The following LSAMP variants were observed in gnomAD, a reference collection of about 807,000 sequenced individuals.
LSAMP encodes limbic system-associated membrane protein.
A neutral mutation model predicts 38.6 loss-of-function variants in LSAMP; 7 were observed. The ratio of observed to expected loss-of-function variants is 0.18; its 90% CI spans 0.10 to 0.34. LSAMP has a LOEUF of 0.34. Among genes scored for constraint, LSAMP ranks in the 10% least tolerant of loss-of-function variants. The pLI is 1.00. For synonymous variants in LSAMP, 154 were observed against 166.8 expected (o/e 0.92, Z 0.59); for missense variants, 313 against 420.0 (o/e 0.75, Z 2.23).
Position 115,806,874 on chromosome 3 carries a change from A to G in LSAMP, c.*3443T>C, listed in dbSNP as rs879734023. 1.3e-5 allele frequency: 2 copies of G among 152,230 alleles called. No individual in the cohort carries two copies. Among genetic ancestry groups the G allele is most frequent in the Non-Finnish European group, 2.9e-5 (2 of 68,034 alleles). The allele number at this position is 152,230 out of a possible 1,614,324, so 9.4% of individuals were successfully genotyped here. A position where few individuals can be genotyped will look rare whatever the true frequency, so the allele number is the denominator to read the frequency against. ...GCACAGAGCATAATTACAATTCTGCAGTTGTAAAGCCCTGGATAGTTCTCA... is the reference window on the plus strand; with the variant it reads ...GCACAGAGCATAATTACAATTCTGCGGTTGTAAAGCCCTGGATAGTTCTCA... On this transcript the variant is annotated 3_prime_UTR_variant, in exon 7 of 7. Coordinates refer to ENST00000490035, the MANE Select transcript of LSAMP (RefSeq NM_002338.5).
intron 4 of LSAMP, among the ~76,000 whole-genome samples, chr3:115,844,158 T>C (rs1000035760): frequency 1.3e-5 from 2 of 152,202 alleles, no homozygotes; most frequent in African/African-American, 2.4e-5. Flanking sequence ...CTGTAAACTA[T>C]CCCAATTCTA....
At chr3:115,858,135 A>ATCTC (rs67994060) in intron 3 of LSAMP, among the ~76,000 whole-genome samples, 1,780 of 144,038 alleles carry the variant, frequency 0.012, 13 homozygotes, top group Middle Eastern at 0.017. Context: ...CCGTCCTCCC[A>ATCTC]TCTCTCTCTC....
At chr3:115,908,573 C>G (rs1162543859) in intron 3 of LSAMP, among the ~76,000 whole-genome samples, 1 of 152,124 alleles carries the variant, frequency 6.6e-6, no homozygotes, top group African/African-American at 2.4e-5. Context: ...GACCTTTTTA[C>G]TCTGTGATGT....
intron 3 of LSAMP, among the ~76,000 whole-genome samples, chr3:115,979,339 G>T (rs1939289361): frequency 6.6e-6 from 1 of 152,066 alleles, no homozygotes; most frequent in East Asian, 1.9e-4. Context: ...CAGTCTAAGG[G>T]CTCTAGTTTA....
intron 2 of LSAMP, among the ~76,000 whole-genome samples, chr3:116,047,028 C>T (rs896404784): frequency 6.6e-6 from 1 of 152,072 alleles, no homozygotes; most frequent in Non-Finnish European, 1.5e-5. Context: ...TTTATTCTTT[C>T]TTATGCAGCC....
chr3:116,298,874 A>G (rs1160561992), intron 1 of LSAMP, among the ~76,000 whole-genome samples: 2 of 152,206 alleles, frequency 1.3e-5, no homozygotes, highest in Non-Finnish European at 1.5e-5. Context: ...AACAGACACA[A>G]TCTATCTTTG....
At chr3:116,000,756 G>C (rs909975047) in intron 3 of LSAMP, among the ~76,000 whole-genome samples, 8 of 152,054 alleles carry the variant, frequency 5.3e-5, no homozygotes, top group African/African-American at 1.4e-4. Flanking sequence ...CCCTGAAGTC[G>C]AGGACACCCC....
intron 4 of LSAMP, among the ~76,000 whole-genome samples, chr3:115,847,236 C>G (rs966817522): frequency 6.6e-6 from 1 of 152,042 alleles, no homozygotes; most frequent in South Asian, 2.1e-4. Context: ...GTCCTCTCTA[C>G]GTGGGGATGA....
chr3:116,164,489 C>T (rs1298884258), intron 1 of LSAMP, among the ~76,000 whole-genome samples: 2 of 148,370 alleles, frequency 1.3e-5, no homozygotes, highest in East Asian at 4.0e-4. Flanking sequence ...CCAACCTAAA[C>T]AGACGAAGAT....
intron 3 of LSAMP, among the ~76,000 whole-genome samples, chr3:116,008,433 C>A (rs1940228835): frequency 6.6e-6 from 1 of 152,144 alleles, no homozygotes; most frequent in South Asian, 2.1e-4. Flanking sequence ...CTCATTTGAT[C>A]CCTGAAAGCA....
chr3:115,828,904 C>T (rs536114219), intron 6 of LSAMP, among the ~76,000 whole-genome samples: 1 of 152,232 alleles, frequency 6.6e-6, no homozygotes, highest in South Asian at 2.1e-4. Context: ...AGGGAGCTCA[C>T]CAGGAAAGGC....
At chr3:116,284,610 T>G (rs1045044030) in intron 1 of LSAMP, among the ~76,000 whole-genome samples, 10 of 152,268 alleles carry the variant, frequency 6.6e-5, no homozygotes, top group African/African-American at 2.4e-4. Flanking sequence ...CACCCTTAAC[T>G]CCAAACCAAG....
chr3:116,075,627 C>T (rs745993828), intron 2 of LSAMP, among the ~76,000 whole-genome samples: 4 of 151,428 alleles, frequency 2.6e-5, no homozygotes, highest in Non-Finnish European at 4.4e-5. Context: ...CTGCAACCTC[C>T]GCTTTCTGGG....
At chr3:116,373,121 C>A (rs140354987) in intron 1 of LSAMP, among the ~76,000 whole-genome samples, 3 of 151,572 alleles carry the variant, frequency 2.0e-5, no homozygotes, top group African/African-American at 7.2e-5. Context: ...TGTATACCCA[C>A]GTTAATAGCA....
At chr3:115,819,596 C>T (rs1024206892) in intron 6 of LSAMP, among the ~76,000 whole-genome samples, 12 of 152,204 alleles carry the variant, frequency 7.9e-5, no homozygotes, top group African/African-American at 2.6e-4. Context: ...CCCTATGAAT[C>T]AACTAGAGAA....
At chr3:115,968,912 C>A (rs1464914741) in intron 3 of LSAMP, among the ~76,000 whole-genome samples, 1 of 152,226 alleles carries the variant, frequency 6.6e-6, no homozygotes, top group Non-Finnish European at 1.5e-5. Flanking sequence ...TAGGACTGAC[C>A]TAAATGCTCC....
At chr3:116,167,547 T>G (rs970820530) in intron 1 of LSAMP, among the ~76,000 whole-genome samples, 13 of 152,326 alleles carry the variant, frequency 8.5e-5, no homozygotes, top group African/African-American at 1.2e-4. Flanking sequence ...TGTCTATCTA[T>G]CCATCCATTT....
chr3:116,168,071 C>T (rs560674471), intron 1 of LSAMP, among the ~76,000 whole-genome samples: 54 of 152,254 alleles, frequency 3.5e-4, no homozygotes, highest in African/African-American at 1.3e-3. Context: ...AACTATCCAT[C>T]TTAAAGTATT....
chr3:116,441,299 G>A (rs2049431487), intron 1 of LSAMP, among the ~76,000 whole-genome samples: 1 of 152,186 alleles, frequency 6.6e-6, no homozygotes, highest in Non-Finnish European at 1.5e-5. Context: ...AAAATCACAA[G>A]TGTGAAGTCC....
Sources: allele counts gnomAD v4.1 joint callset (sites outside exome capture counted in the v4.1 genomes callset), GRCh38; gene constraint gnomAD v4.1.1; transcripts MANE v1.5; gene names NCBI Gene and HGNC (gene_info 2026-07-23, HGNC 2026-07-21).